NVL: variants seen among roughly 807,000 people sequenced by gnomAD.
The protein encoded by NVL is nuclear valosin-containing protein-like.
A neutral mutation model predicts 110.2 loss-of-function variants in NVL; 84 were observed. The ratio of observed to expected loss-of-function variants is 0.76; its 90% confidence interval spans 0.64 to 0.91. The LOEUF (loss-of-function observed/expected upper bound fraction) is 0.91. Among genes scored for constraint, NVL ranks in the 40% least tolerant of loss-of-function variants. The pLI, the probability that NVL is intolerant of heterozygous loss-of-function variation, is 0.00. For missense variants in NVL, 882 were observed against 1,035.9 expected (o/e 0.85, Z 2.04); for synonymous variants, 354 against 361.1 (o/e 0.98, Z 0.22).
chr1:224,254,718 A>G (rs375361846), intron 18 of NVL, among the ~76,000 whole-genome samples: 2 of 151,740 alleles, frequency 1.3e-5, no homozygotes, highest in African/African-American at 4.8e-5. Context: ...CCTGGCCAAC[A>G]TGTGTTTTTA....
intron 18 of NVL, among the ~76,000 whole-genome samples, chr1:224,260,699 CT>C (rs940200696): frequency 0.062 from 7,834 of 126,270 alleles, 112 homozygotes; most frequent in East Asian, 0.087. Context: ...TCTTCTTTTC[CT>C]TTTTTTTTTT....
intron 6 of NVL, among the ~76,000 whole-genome samples, chr1:224,307,122 A>G (rs1669001478): frequency 6.6e-6 from 1 of 152,218 alleles, no homozygotes. Context: ...AATATAAAAT[A>G]TTATTAATGA....
intron 19 of NVL, among the ~76,000 whole-genome samples, chr1:224,249,150 A>ATT (rs10642577): frequency 0.37 from 56,039 of 150,202 alleles, 10,534 homozygotes; most frequent in East Asian, 0.52. Flanking sequence ...AAGTCATTCA[A>ATT]TTTTTTTTTT....
In NVL at chr1:224,227,566, G is replaced by C; in HGVS notation, c.*60C>G. 6.6e-7 allele frequency: 1 copy of C among 1,520,908 alleles called. No homozygotes were observed. Among genetic ancestry groups the C allele is most frequent in the Non-Finnish European group, 9.1e-7 (1 of 1,103,616 alleles). The allele number at this position is 1,520,908 out of a possible 1,614,324, so 94.2% of individuals were successfully genotyped here. ...CAGCTGAAAGTGGGTCCTTCAGAGC[G>C]TGTGGGGGATTCTCTGCCGGCTTGA... On this transcript the variant is annotated 3_prime_UTR_variant, in exon 23 of 23. Coordinates refer to ENST00000281701, the MANE Select transcript of NVL (RefSeq NM_002533.4).
At chr1:224,303,522 G>T (rs558397957) in intron 9 of NVL, among the ~76,000 whole-genome samples, 6 of 149,202 alleles carry the variant, frequency 4.0e-5, no homozygotes, top group Non-Finnish European at 7.4e-5. Flanking sequence ...AATCCCTCAA[G>T]TTGCTCGTGA....
chr1:224,302,912 G>A, intron 9 of NVL: 1 of 321,142 alleles, frequency 3.1e-6, no homozygotes, highest in Non-Finnish European at 6.0e-6. Flanking sequence ...AGCTGGGCGT[G>A]GTGGTATGTG....
intron 19 of NVL, among the ~76,000 whole-genome samples, chr1:224,245,775 G>A (rs1661737524): frequency 6.6e-6 from 1 of 151,828 alleles, no homozygotes; most frequent in South Asian, 2.1e-4. Flanking sequence ...CCAACATGGT[G>A]AAACCTCATT....
intron 9 of NVL, chr1:224,302,910 G>A (rs976799016): frequency 6.3e-5 from 20 of 319,448 alleles, no homozygotes; most frequent in African/African-American, 4.1e-4. Flanking sequence ...TAAGCTGGGC[G>A]TGGTGGTATG....
At chr1:224,269,098 T>G (rs1430187367) in intron 17 of NVL, among the ~76,000 whole-genome samples, 2 of 151,206 alleles carry the variant, frequency 1.3e-5, no homozygotes, top group African/African-American at 4.9e-5. Flanking sequence ...TTTTTTTTTT[T>G]TTTTTTTGAG....
intron 16 of NVL, among the ~76,000 whole-genome samples, chr1:224,277,124 C>T (rs1053806090): frequency 6.6e-6 from 1 of 152,028 alleles, no homozygotes; most frequent in Non-Finnish European, 1.5e-5. Flanking sequence ...TTACAAAGCC[C>T]TTGGAAAGCA....
chr1:224,276,437 C>A (rs1665764841), intron 16 of NVL, among the ~76,000 whole-genome samples: 1 of 152,114 alleles, frequency 6.6e-6, no homozygotes, highest in Non-Finnish European at 1.5e-5. Context: ...TGGGGTTTCA[C>A]CATGTTGGCC....
intron 17 of NVL, among the ~76,000 whole-genome samples, chr1:224,269,455 T>A (rs1183489658): frequency 6.6e-6 from 1 of 152,168 alleles, no homozygotes. Flanking sequence ...GTTCCAGATC[T>A]TTTTAGTGCA....
chr1:224,318,786 A>G (rs1316517112), intron 2 of NVL, among the ~76,000 whole-genome samples: 1 of 151,526 alleles, frequency 6.6e-6, no homozygotes, highest in Non-Finnish European at 1.5e-5. Flanking sequence ...GATTGAGACC[A>G]GCCTGGCTAA....
chr1:224,304,700 T>A, intron 8 of NVL, 36 bp downstream of exon 8: 4 of 1,491,212 alleles, frequency 2.7e-6, no homozygotes, highest in Non-Finnish European at 3.7e-6. Context: ...ATTAGTAATA[T>A]ATCCATTTGA....
intron 19 of NVL, among the ~76,000 whole-genome samples, chr1:224,243,844 T>C (rs1235704445): frequency 6.6e-6 from 1 of 151,548 alleles, no homozygotes; most frequent in African/African-American, 2.4e-5. Flanking sequence ...GTATTTTTAG[T>C]AGAGACGGGA....
At chr1:224,236,355 A>G in intron 20 of NVL, 151 bp downstream of exon 20, 1 of 618,960 alleles carries the variant, frequency 1.6e-6, no homozygotes, top group South Asian at 1.9e-5. Context: ...CTCTTCTCTA[A>G]GAAGGGAGAT....
At chr1:224,309,497 T>C (rs1373884963) in intron 5 of NVL, among the ~76,000 whole-genome samples, 1 of 152,062 alleles carries the variant, frequency 6.6e-6, no homozygotes, top group African/African-American at 2.4e-5. Context: ...CCAGCCTGGG[T>C]GACAGAGCGA....
At chr1:224,238,081 C>A (rs552938101) in intron 19 of NVL, among the ~76,000 whole-genome samples, 6 of 151,592 alleles carry the variant, frequency 4.0e-5, no homozygotes, top group Admixed American at 6.6e-5. Flanking sequence ...GTCATCCAGG[C>A]TTAGTGCAAT....
chr1:224,259,649 T>C (rs1663730737), intron 18 of NVL, among the ~76,000 whole-genome samples: 1 of 151,716 alleles, frequency 6.6e-6, no homozygotes, highest in Non-Finnish European at 1.5e-5. Context: ...ATAATAAGAA[T>C]GATGTTTTTT....
Sources: allele counts gnomAD v4.1 joint callset (sites outside exome capture counted in the v4.1 genomes callset), GRCh38; gene constraint gnomAD v4.1.1; transcripts MANE v1.5; gene names NCBI Gene and HGNC (gene_info 2026-07-23, HGNC 2026-07-21).